The following ARHGAP5 variants were observed in gnomAD, a reference collection of about 807,000 sequenced individuals.
ARHGAP5 encodes the protein rho GTPase-activating protein 5.
Under a neutral mutation model 116.6 loss-of-function variants are expected in ARHGAP5, and 23 were observed. The observed-to-expected ratio is 0.20, with a 90% confidence interval of 0.14 to 0.28. ARHGAP5 has a LOEUF of 0.28. ARHGAP5 is among the 10% of genes least tolerant of loss of function. The probability of loss-of-function intolerance (pLI) is 1.00; values close to 1 mark genes in which losing one functional copy is unlikely to be tolerated. For synonymous variants in ARHGAP5, 574 were observed against 602.0 expected, an observed-to-expected ratio of 0.95 and a Z score of 0.68; for missense variants, 1,405 against 1,774.8, an observed-to-expected ratio of 0.79 and a Z score of 3.74.
Position 32,091,639 on chromosome 14 carries a change from G to C in ARHGAP5, c.970G>C (p.Glu324Gln). The C allele has an allele frequency of 5.0e-6, 8 of 1,611,762 alleles. No individual in the cohort carries two copies. Among genetic ancestry groups the C allele is most frequent in the Non-Finnish European group, 6.8e-6 (8 of 1,178,786 alleles). ...CAGAAATACATTCTCAAAACATATA[G>C]AACAACTTAAACAGGAACATATAAG... ...KARNTFSKHI[E>Q]QLKQEHIRKR... The change falls in exon 2 of 7, where the codon GAA becomes CAA. Residue 324 changes from glutamate to glutamine, a missense_variant. Around this residue, in one of 6 missense-constraint regions of ARHGAP5, gnomAD observed 944 missense variants for 1,095.3 expected, o/e 0.86. Transcript: ENST00000345122.
At chr14:32,109,595 G>C (rs1162385985) in intron 2 of ARHGAP5, among the ~76,000 whole-genome samples, 2 of 151,912 alleles carry the variant, frequency 1.3e-5, no homozygotes, top group South Asian at 2.1e-4. Context: ...ATTAGAATTA[G>C]TTTTACAATA....
intron 1 of ARHGAP5, among the ~76,000 whole-genome samples, chr14:32,086,619 A>G (rs2041831981): frequency 6.6e-6 from 1 of 151,950 alleles, no homozygotes; most frequent in Non-Finnish European, 1.5e-5. Context: ...ACCTTTTATT[A>G]ATGAATGCAT....
At chr14:32,151,056 G>T (rs966423051) in intron 5 of ARHGAP5, among the ~76,000 whole-genome samples, 1 of 152,112 alleles carries the variant, frequency 6.6e-6, no homozygotes, top group Non-Finnish European at 1.5e-5. Flanking sequence ...TAAGTTCTCA[G>T]TGATTCTTTT....
chr14:32,126,243 T>G (rs1002257794), intron 3 of ARHGAP5, among the ~76,000 whole-genome samples: 6 of 152,188 alleles, frequency 3.9e-5, no homozygotes, highest in South Asian at 2.1e-4. Flanking sequence ...TTGTTTGTTT[T>G]TTTGAGATGG....
At chr14:32,114,556 A>G (rs961615509) in intron 2 of ARHGAP5, among the ~76,000 whole-genome samples, 2 of 152,166 alleles carry the variant, frequency 1.3e-5, no homozygotes, top group African/African-American at 4.8e-5. Context: ...TTGAGCCAGA[A>G]ACAGACACTC....
Position 32,156,644 on chromosome 14 carries a change from C to T in ARHGAP5, c.*1696C>T, listed in dbSNP as rs1203639392. The T allele has an allele frequency of 6.6e-6, 1 of 152,012 alleles. No homozygotes were observed. The highest frequency in any genetic ancestry group is 1.5e-5 in the Non-Finnish European group (1 of 67,736). The allele number at this position is 152,012 out of a possible 1,614,324, so 9.4% of individuals were successfully genotyped here. A position where few individuals can be genotyped will look rare whatever the true frequency, so the allele number is the denominator to read the frequency against. On this transcript the variant is annotated 3_prime_UTR_variant, in exon 7 of 7. Coordinates refer to ENST00000345122, the MANE Select transcript of ARHGAP5 (RefSeq NM_001030055.2). ...GTACAGTAATTTTTAAAAAAAAATC[C>T]GGTAAATGTAGTATTCTTAACCTGT...
At chr14:32,143,891 T>C (rs1242666285) in intron 3 of ARHGAP5, among the ~76,000 whole-genome samples, 1 of 152,240 alleles carries the variant, frequency 6.6e-6, no homozygotes, top group African/African-American at 2.4e-5. Flanking sequence ...GGCTGTCCTT[T>C]GCATTCTAGG....
chr14:32,139,487 A>G (rs1400446228), intron 3 of ARHGAP5, among the ~76,000 whole-genome samples: 1 of 152,098 alleles, frequency 6.6e-6, no homozygotes, highest in Non-Finnish European at 1.5e-5. Flanking sequence ...ACCTAATTTG[A>G]TGGCGTACAA....
chr14:32,104,566 C>A (rs1878927204), intron 2 of ARHGAP5, among the ~76,000 whole-genome samples: 1 of 152,098 alleles, frequency 6.6e-6, no homozygotes, highest in Non-Finnish European at 1.5e-5. Context: ...ATTAAATAAA[C>A]CTTTAGAGTG....
At chr14:32,149,520 A>C (rs1228759416) in intron 4 of ARHGAP5, among the ~76,000 whole-genome samples, 1 of 152,136 alleles carries the variant, frequency 6.6e-6, no homozygotes, top group Non-Finnish European at 1.5e-5. Context: ...CTGTAATTTC[A>C]GCACTTTGGG....
At chr14:32,099,616 T>C (rs1179576722) in intron 2 of ARHGAP5, among the ~76,000 whole-genome samples, 1 of 152,196 alleles carries the variant, frequency 6.6e-6, no homozygotes, top group Admixed American at 6.5e-5. Context: ...CAATAAATAG[T>C]ATTATAACGT....
chr14:32,122,217 T>A (rs895818266), intron 3 of ARHGAP5, among the ~76,000 whole-genome samples: 1 of 152,196 alleles, frequency 6.6e-6, no homozygotes, highest in African/African-American at 2.4e-5. Context: ...ATATAAGTGG[T>A]AATGTGAAAT....
intron 3 of ARHGAP5, among the ~76,000 whole-genome samples, chr14:32,125,323 CAT>C (rs1280036653): frequency 6.6e-6 from 1 of 152,136 alleles, no homozygotes; most frequent in African/African-American, 2.4e-5. Flanking sequence ...TGTGTTGTAA[CAT>C]GTATCATTAT....
intron 3 of ARHGAP5, among the ~76,000 whole-genome samples, chr14:32,139,712 A>C (rs8012001): frequency 0.054 from 8,068 of 150,606 alleles, 723 homozygotes; most frequent in African/African-American, 0.18. Flanking sequence ...TCTCTATATT[A>C]ATTTTTATTA....
At position 32,149,949 on chromosome 14, in the gene ARHGAP5, G is replaced by C; in HGVS notation, c.3991G>C (p.Ala1331Pro). ...AATGGAAGTAACAGTAAATGCTGTA[G>C]CTGGAGCCCTTAAAGCTTTCTTTGC... ...VSMEVTVNAV[A>P]GALKAFFADL... Residue 1331 changes from alanine to proline, a missense_variant, in exon 5 of 7, where the codon GCT (alanine) becomes CCT (proline). This residue lies in a region of ARHGAP5 where 176 missense variants were observed against 221.2 expected (regional missense o/e 0.80). Transcript: ENST00000345122. The C allele has an allele frequency of 6.2e-7, 1 of 1,601,454 alleles. No homozygotes were observed. Among genetic ancestry groups the C allele is most frequent in the Non-Finnish European group, 8.5e-7 (1 of 1,172,588 alleles).
chr14:32,158,935 T>TAG lies in ARHGAP5; in HGVS notation c.*3987_*3988insAG, dbSNP rs1882005224. 1 of 152,110 alleles carries TAG rather than the reference T, an allele frequency of 6.6e-6. No homozygotes were observed. Among genetic ancestry groups the TAG allele is most frequent in the Admixed American group, 6.5e-5 (1 of 15,272 alleles). The allele number at this position is 152,110 out of a possible 1,614,324, so 9.4% of individuals were successfully genotyped here. On this transcript the variant is annotated 3_prime_UTR_variant, in exon 7 of 7. Coordinates refer to ENST00000345122, the MANE Select transcript of ARHGAP5 (RefSeq NM_001030055.2). ...AACTTTGGGAGTCTTCACTATTCAATTGATCCTCATCATTGTCCTATTTGC... is the reference window on the plus strand; with the variant it reads ...AACTTTGGGAGTCTTCACTATTCAATAGTGATCCTCATCATTGTCCTATTTGC...
chr14:32,093,228 A>C lies in ARHGAP5; in HGVS notation c.2559A>C (p.Leu853Phe), dbSNP rs766270172. 15 of 1,613,918 alleles carry C rather than the reference A, an allele frequency of 9.3e-6. No individual in the cohort carries two copies. In the East Asian group the frequency reaches 3.3e-4, roughly 36 times the overall value. Residue 853 changes from leucine to phenylalanine, a missense_variant, in exon 2 of 7, where the codon TTA becomes TTC. Around this residue, in one of 6 missense-constraint regions of ARHGAP5, gnomAD observed 944 missense variants for 1,095.3 expected, o/e 0.86. Coordinates refer to ENST00000345122, the MANE Select transcript of ARHGAP5 (RefSeq NM_001030055.2). ...ATGAACTAGTTCATGGGTATATATT[A>C]GTTTACTCTGCAAAACGGAAAGCTT... ...RKDELVHGYILVYSAKRKASM... is the reference protein window; with the variant it reads ...RKDELVHGYIFVYSAKRKASM...
chr14:32,087,732 T>G (rs1054759264), intron 1 of ARHGAP5, among the ~76,000 whole-genome samples: 1 of 151,964 alleles, frequency 6.6e-6, no homozygotes, highest in African/African-American at 2.4e-5. Flanking sequence ...ATAAGGATGT[T>G]CCTCCCTGTA....
intron 2 of ARHGAP5, among the ~76,000 whole-genome samples, chr14:32,109,939 T>G (rs1400933528): frequency 2.0e-5 from 3 of 152,156 alleles, no homozygotes; most frequent in Non-Finnish European, 4.4e-5. Context: ...GCCTGGATGC[T>G]TTTAAGATTC....
Sources: gnomAD v4.1 joint callset for allele counts (sites outside exome capture counted in the v4.1 genomes callset) on GRCh38, gnomAD v4.1.1 for gene constraint, gnomAD v4.1.1 regional missense constraint, MANE v1.5 for transcripts, NCBI Gene and HGNC (gene_info 2026-07-23, HGNC 2026-07-21) for gene names.